The following LSAMP variants were observed in gnomAD, a reference collection of about 807,000 sequenced individuals.
LSAMP encodes the protein limbic system associated membrane protein, also known as limbic system-associated membrane protein.
LSAMP carries 7 observed loss-of-function variants against 38.6 expected under a neutral mutation model. The ratio of observed to expected loss-of-function variants is 0.18; its 90% CI spans 0.10 to 0.34. LSAMP has a LOEUF of 0.34. LSAMP is among the 10% of genes least tolerant of loss of function. The pLI is 1.00. For missense variants in LSAMP, 313 were observed against 420.0 expected (o/e 0.75, Z 2.23); for synonymous variants, 154 against 166.8 (o/e 0.92, Z 0.59).
intron 4 of LSAMP, among the ~76,000 whole-genome samples, chr3:115,844,395 C>G (rs564343380): frequency 5.9e-5 from 9 of 152,254 alleles, no homozygotes; most frequent in Non-Finnish European, 1.2e-4. Context: ...AACATCTGTA[C>G]CAGTTTGAGC....
intron 3 of LSAMP, among the ~76,000 whole-genome samples, chr3:115,957,514 C>A (rs1938490722): frequency 6.6e-6 from 1 of 152,182 alleles, no homozygotes; most frequent in Non-Finnish European, 1.5e-5. Flanking sequence ...CTAATGGAAC[C>A]ACATGATCCT....
intron 1 of LSAMP, among the ~76,000 whole-genome samples, chr3:116,162,263 T>C (rs1187689493): frequency 1.3e-5 from 2 of 152,190 alleles, no homozygotes; most frequent in Non-Finnish European, 2.9e-5. Context: ...GCAGTACACA[T>C]GCCTTGTGCA....
intron 1 of LSAMP, among the ~76,000 whole-genome samples, chr3:116,223,061 G>A (rs2046306649): frequency 6.6e-6 from 1 of 150,992 alleles, no homozygotes; most frequent in African/African-American, 2.4e-5. Context: ...ACTGCACAAA[G>A]GGTGTAAAGT....
chr3:116,380,614 A>T (rs2048546374), intron 1 of LSAMP, among the ~76,000 whole-genome samples: 1 of 152,066 alleles, frequency 6.6e-6, no homozygotes, highest in Non-Finnish European at 1.5e-5. Context: ...TACAAACTAC[A>T]CAAATATACT....
chr3:116,254,228 T>C lies in LSAMP; in HGVS notation c.156-167672A>G, dbSNP rs183085400. 1.2e-4 allele frequency among the ~76,000 whole-genome samples: 18 copies of C among 152,304 alleles called. No individual in the cohort carries two copies. The East Asian group carries it at 3.5e-3, about 29-fold the overall frequency. On this transcript the variant is annotated intron_variant, in intron 1 of 6. Coordinates refer to ENST00000490035, the MANE Select transcript of LSAMP (RefSeq NM_002338.5). ...AAAGCTTCTGTATCAATTTTATAACTATTAGTCTGTCCACAAATTAGAGCT... is the reference window on the plus strand; with the variant it reads ...AAAGCTTCTGTATCAATTTTATAACCATTAGTCTGTCCACAAATTAGAGCT...
chr3:115,880,570 G>C (rs1470311109), intron 3 of LSAMP, among the ~76,000 whole-genome samples: 1 of 152,032 alleles, frequency 6.6e-6, no homozygotes, highest in Non-Finnish European at 1.5e-5. Context: ...TGAAAATTCT[G>C]TTTGTTTACC....
chr3:116,079,460 T>C (rs753187052), intron 2 of LSAMP, among the ~76,000 whole-genome samples: 1 of 152,084 alleles, frequency 6.6e-6, no homozygotes, highest in African/African-American at 2.4e-5. Context: ...AGTTGGTCAC[T>C]GGCAAACATA....
intron 1 of LSAMP, among the ~76,000 whole-genome samples, chr3:116,088,862 C>G: frequency 6.6e-6 from 1 of 152,076 alleles, no homozygotes; most frequent in East Asian, 1.9e-4. Flanking sequence ...TTGGATACCA[C>G]CAATAACTAA....
intron 3 of LSAMP, among the ~76,000 whole-genome samples, chr3:115,882,262 C>T (rs1488555702): frequency 1.3e-5 from 2 of 152,082 alleles, no homozygotes; most frequent in Non-Finnish European, 2.9e-5. Flanking sequence ...AGAAATCTGA[C>T]CTAAGACAAC....
At chr3:116,414,188 A>G (rs1443363516) in intron 1 of LSAMP, among the ~76,000 whole-genome samples, 3 of 152,038 alleles carry the variant, frequency 2.0e-5, no homozygotes. Context: ...TTTATACCTC[A>G]TCTGGGGATC....
At chr3:116,385,890 T>C (rs1211075673) in intron 1 of LSAMP, among the ~76,000 whole-genome samples, 1 of 151,638 alleles carries the variant, frequency 6.6e-6, no homozygotes, top group Non-Finnish European at 1.5e-5. Flanking sequence ...ATAAAAGAAA[T>C]AAAGCAAGGA....
chr3:116,346,408 A>G (rs565355457), intron 1 of LSAMP, among the ~76,000 whole-genome samples: 1 of 151,316 alleles, frequency 6.6e-6, no homozygotes, highest in Non-Finnish European at 1.5e-5. Flanking sequence ...AGTTCACTGC[A>G]ACCTCTGCTT....
chr3:116,122,631 C>A (rs1406306588), intron 1 of LSAMP, among the ~76,000 whole-genome samples: 1 of 152,160 alleles, frequency 6.6e-6, no homozygotes, highest in Non-Finnish European at 1.5e-5. Context: ...ATTACCATTA[C>A]TTAGAAAGTT....
At chr3:116,263,929 A>T (rs2046862669) in intron 1 of LSAMP, among the ~76,000 whole-genome samples, 1 of 152,180 alleles carries the variant, frequency 6.6e-6, no homozygotes, top group Non-Finnish European at 1.5e-5. Flanking sequence ...GTACACTCGT[A>T]ACTGCTTACA....
intron 1 of LSAMP, among the ~76,000 whole-genome samples, chr3:116,293,338 C>T (rs1212491742): frequency 6.6e-6 from 1 of 152,170 alleles, no homozygotes; most frequent in Non-Finnish European, 1.5e-5. Context: ...AACCTAAAAA[C>T]TTTGCAAATT....
Position 116,041,617 on chromosome 3 carries a change from G to A in LSAMP, c.389-21977C>T, listed in dbSNP as rs77546873. ...ACAGCATTGATTTCAAACATTGATC[G>A]TGCCATAGAGATGTGTACCATAAAA... On this transcript the variant is annotated intron_variant, in intron 2 of 6. Coordinates refer to ENST00000490035, the MANE Select transcript of LSAMP (RefSeq NM_002338.5). 2.5e-3 allele frequency among the ~76,000 whole-genome samples: 381 copies of A among 151,472 alleles called. 1 individual carries two copies. The highest frequency in any genetic ancestry group is 8.8e-3 in the African/African-American group (365 of 41,310).
intron 1 of LSAMP, among the ~76,000 whole-genome samples, chr3:116,104,880 A>G (rs1708427812): frequency 6.6e-6 from 1 of 152,204 alleles, no homozygotes; most frequent in Non-Finnish European, 1.5e-5. Flanking sequence ...TATATTGTAA[A>G]CCAGAATTTT....
intron 1 of LSAMP, among the ~76,000 whole-genome samples, chr3:116,113,337 CTT>C (rs1205479789): frequency 1.4e-5 from 2 of 146,146 alleles, no homozygotes; most frequent in Non-Finnish European, 3.0e-5. Context: ...AAACAACAAA[CTT>C]GAGGGGATAG....
intron 1 of LSAMP, among the ~76,000 whole-genome samples, chr3:116,396,271 T>C (rs1010328273): frequency 6.6e-6 from 1 of 152,202 alleles, no homozygotes; most frequent in African/African-American, 2.4e-5. Context: ...AATTTGAGAC[T>C]TCCATACATA....
Sources: gnomAD v4.1 joint callset for allele counts (sites outside exome capture counted in the v4.1 genomes callset) on GRCh38, gnomAD v4.1.1 for gene constraint, MANE v1.5 for transcripts, NCBI Gene and HGNC (gene_info 2026-07-23, HGNC 2026-07-21) for gene names.